BMS1: variants seen among roughly 807,000 people sequenced by gnomAD.
BMS1 encodes the protein BMS1 ribosome biogenesis factor, also known as ribosome biogenesis protein BMS1 homolog.
Under a neutral mutation model 138.7 loss-of-function variants are expected in BMS1, and 53 were observed. That is an observed-to-expected ratio of 0.38 (90% CI 0.31 to 0.48). BMS1 has a LOEUF of 0.48. Among genes scored for constraint, BMS1 ranks in the 20% least tolerant of loss-of-function variants. The pLI, the probability that BMS1 is intolerant of heterozygous loss-of-function variation, is 0.97. For synonymous variants in BMS1, 504 were observed against 539.9 expected, an observed-to-expected ratio of 0.93 and a Z score of 0.92; for missense variants, 1,360 against 1,565.5, an observed-to-expected ratio of 0.87 and a Z score of 2.22.
At chr10:42,812,872 T>G (rs1437084954) in intron 13 of BMS1, among the ~76,000 whole-genome samples, 2 of 152,210 alleles carry the variant, frequency 1.3e-5, no homozygotes, top group African/African-American at 4.8e-5. Flanking sequence ...GGTGCAACCG[T>G]TCTGGCTGAT....
In BMS1 at chr10:42,791,725, G is replaced by A. The variant is rs568152800; in HGVS notation, c.735G>A (p.Arg245=). 6.8e-6 allele frequency: 11 copies of A among 1,613,066 alleles called. No individual in the cohort carries two copies. The East Asian group carries it at 2.0e-4, about 29-fold the overall frequency. ...LGRFITVMKF[R]PLTWQTSHPY... ...GTTTTATTACAGTTATGAAGTTTAGGCCTCTCACATGGCAAACTTCTCACC... is the reference window on the plus strand; with the variant it reads ...GTTTTATTACAGTTATGAAGTTTAGACCTCTCACATGGCAAACTTCTCACC... The change falls in exon 6 of 23, where the codon AGG becomes AGA. Residue 245 remains arginine (R), a synonymous_variant. Coordinates refer to ENST00000374518, the MANE Select transcript of BMS1 (RefSeq NM_014753.4).
intron 12 of BMS1, 81 bp from the exon 13 acceptor site, chr10:42,802,055 GT>G (rs1294761500): frequency 2.9e-6 from 3 of 1,049,668 alleles, no homozygotes; most frequent in Non-Finnish European, 4.3e-6. Context: ...TTAAAGGCAA[GT>G]TGTCACCTAC....
intron 13 of BMS1, among the ~76,000 whole-genome samples, chr10:42,810,517 T>A (rs988705235): frequency 3.3e-5 from 5 of 152,202 alleles, no homozygotes; most frequent in African/African-American, 1.2e-4. Flanking sequence ...ACTAGCCTCA[T>A]AAAATGAGTT....
intron 3 of BMS1, 62 bp downstream of exon 3, chr10:42,785,734 G>A: frequency 1.3e-6 from 2 of 1,536,948 alleles, no homozygotes; most frequent in South Asian, 1.2e-5. Context: ...GGACATGCAT[G>A]CGTTTGTTGT....
chr10:42,792,264 C>A (rs990011599), intron 6 of BMS1, among the ~76,000 whole-genome samples: 1 of 152,214 alleles, frequency 6.6e-6, no homozygotes, highest in African/African-American at 2.4e-5. Flanking sequence ...GACGTCATCT[C>A]CCTGTCTGGT....
At chr10:42,810,266 A>G (rs1219864848) in intron 13 of BMS1, among the ~76,000 whole-genome samples, 1 of 152,162 alleles carries the variant, frequency 6.6e-6, no homozygotes, top group Non-Finnish European at 1.5e-5. Context: ...ACAAGGGTCA[A>G]GGGTGGCATA....
rs769457763 is a variant in BMS1, at chr10:42,792,560, T to C, written c.847T>C (p.Tyr283His). ...CAAATGTGACCGGAAGGTGTCACTT[T>C]ATGGTTATTTAAGAGGAGCACACTT... ...NIKCDRKVSL[Y>H]GYLRGAHLKN... is the part of the protein sequence containing the mutation. The change falls in exon 7 of 23, where the codon TAT (tyrosine) becomes CAT (histidine). Residue 283 changes from tyrosine (Y) to histidine (H), a missense_variant. Transcript: ENST00000374518. 5.9e-5 allele frequency: 95 copies of C among 1,611,390 alleles called. No individual in the cohort carries two copies. Among genetic ancestry groups the C allele is most frequent in the Non-Finnish European group, 7.4e-5 (87 of 1,179,816 alleles).
intron 13 of BMS1, among the ~76,000 whole-genome samples, chr10:42,809,121 A>G (rs1842095076): frequency 6.6e-6 from 1 of 152,202 alleles, no homozygotes. Flanking sequence ...TTTGAGTATT[A>G]AAATAGATGA....
At chr10:42,814,121 G>A (rs908444824) in intron 13 of BMS1, among the ~76,000 whole-genome samples, 1 of 152,196 alleles carries the variant, frequency 6.6e-6, no homozygotes, top group Non-Finnish European at 1.5e-5. Context: ...TCAGCTTCTT[G>A]AATCTGTAAG....
chr10:42,787,399 A>C, intron 4 of BMS1, 152 bp downstream of exon 4: 2 of 698,034 alleles, frequency 2.9e-6, no homozygotes, highest in Non-Finnish European at 5.0e-6. Context: ...AATTGATGAT[A>C]ATTATGGTAA....
intron 21 of BMS1, among the ~76,000 whole-genome samples, chr10:42,825,352 A>G (rs1449983651): frequency 5.3e-5 from 8 of 152,200 alleles, no homozygotes; most frequent in African/African-American, 1.9e-4. Context: ...CAGAACTTTG[A>G]TGAGGATTGT....
At position 42,793,926 on chromosome 10, in the gene BMS1, T is replaced by C. The variant is rs1841592327; in HGVS notation, c.1164T>C (p.Ala388=). 2.5e-6 allele frequency: 4 copies of C among 1,611,910 alleles called. No individual in the cohort carries two copies. In the African/African-American group the frequency reaches 4.0e-5, roughly 16 times the overall value. The change falls in exon 9 of 23, where the codon GCT becomes GCC. Residue 388 remains alanine, a synonymous_variant. Coordinates refer to ENST00000374518, the MANE Select transcript of BMS1 (RefSeq NM_014753.4). ...STHSTIDAKM[A]SSRVTLFSDS... ...ACTCCACCATTGATGCCAAGATGGC[T>C]TCAAGTCGAGTGACGCTGTTTTCTG...
At chr10:42,788,471 C>T in intron 4 of BMS1, among the ~76,000 whole-genome samples, 1 of 152,088 alleles carries the variant, frequency 6.6e-6, no homozygotes, top group East Asian at 1.9e-4. Flanking sequence ...TATCCATCAC[C>T]TCAAACATTT....
chr10:42,785,162 T>C (rs1841287438), intron 2 of BMS1, among the ~76,000 whole-genome samples: 2 of 152,242 alleles, frequency 1.3e-5, no homozygotes, highest in African/African-American at 4.8e-5. Flanking sequence ...ATTTACCTTT[T>C]GGTTTTTTAA....
intron 21 of BMS1, among the ~76,000 whole-genome samples, chr10:42,828,622 T>A (rs968940384): frequency 2.6e-5 from 4 of 152,182 alleles, no homozygotes; most frequent in African/African-American, 7.2e-5. Flanking sequence ...AGTTTTTTTT[T>A]TTTTATTTTA....
chr10:42,792,343 G>T, intron 6 of BMS1, 150 bp from the exon 7 acceptor site: 1 of 1,040,098 alleles, frequency 9.6e-7, no homozygotes, highest in Non-Finnish European at 1.4e-6. Flanking sequence ...TCCTCTGGTG[G>T]ATGGTGAATG....
At chr10:42,793,724 C>T (rs1442440667) in intron 8 of BMS1, 128 bp from the exon 9 acceptor site, 8 of 1,126,370 alleles carry the variant, frequency 7.1e-6, no homozygotes, top group Non-Finnish European at 1.0e-5. Flanking sequence ...TTCTTCTCTG[C>T]TTTTTGAGGC....
Position 42,793,075 on chromosome 10 carries a change from T to C in BMS1, c.1020T>C (p.Ser340=), listed in dbSNP as rs1841564570. 6.2e-7 allele frequency: 1 copy of C among 1,614,064 alleles called. No homozygotes were observed. Among genetic ancestry groups the C allele is most frequent in the Non-Finnish European group, 8.5e-7 (1 of 1,179,968 alleles). The change falls in exon 8 of 23, where the codon TCT becomes TCC. Residue 340 remains serine (S), a synonymous_variant. Coordinates refer to ENST00000374518, the MANE Select transcript of BMS1 (RefSeq NM_014753.4). ...EKEKLVYAPL[S]GVGGVLYDKD... ...AGAAGCTGGTTTATGCGCCTCTTTC[T>C]GGAGTTGGGGGTGTGCTGTATGACA... is the stretch of plus-strand genomic sequence containing the variant.
intron 13 of BMS1, among the ~76,000 whole-genome samples, chr10:42,806,200 G>T (rs1319091235): frequency 1.3e-5 from 2 of 152,080 alleles, no homozygotes; most frequent in African/African-American, 4.8e-5. Context: ...CTTTCACCTT[G>T]GTCCAATCTC....
Sources: allele counts gnomAD v4.1 joint callset (sites outside exome capture counted in the v4.1 genomes callset), GRCh38; gene constraint gnomAD v4.1.1; transcripts MANE v1.5; gene names NCBI Gene and HGNC (gene_info 2026-07-23, HGNC 2026-07-21).